GNG7: variants seen among roughly 807,000 people sequenced by gnomAD.
GNG7 encodes guanine nucleotide-binding protein G(I)/G(S)/G(O) subunit gamma-7.
GNG7 carries 1 observed loss-of-function variant against 4.0 expected under a neutral mutation model. That is an observed-to-expected ratio of 0.25 (90% confidence interval 0.09 to 1.18). The LOEUF is 1.18. Among genes scored for constraint, GNG7 ranks in the 50% most tolerant of loss-of-function variants. The probability of loss-of-function intolerance (pLI) is 0.50; values close to 1 mark genes in which losing one functional copy is unlikely to be tolerated. For synonymous variants in GNG7, 34 were observed against 36.9 expected, an observed-to-expected ratio of 0.92 and a Z score of 0.29; for missense variants, 86 against 91.9, an observed-to-expected ratio of 0.94 and a Z score of 0.26.
chr19:2,624,553 GAAAAA>G (rs1486034157), intron 2 of GNG7, among the ~76,000 whole-genome samples: 1 of 149,548 alleles, frequency 6.7e-6, no homozygotes, highest in Non-Finnish European at 1.5e-5. Flanking sequence ...AAAAGAAAAA[GAAAAA>G]AAGAAAAGAA....
rs115026224 is a variant in GNG7, at chr19:2,549,050, T to C, written c.-38+6099A>G. 5.2e-3 allele frequency among the ~76,000 whole-genome samples: 792 copies of C among 151,636 alleles called. 7 individuals are homozygous for C. The highest frequency in any genetic ancestry group is 0.018 in the African/African-American group (752 of 41,478). The stretch of plus-strand genomic sequence containing the variant: ...CTTGAATCCTCAATGCCAAGGCAAC[T>C]GCAAACCCGAGGGACCCCAGGGGGG... On this transcript the variant is annotated intron_variant, in intron 3 of 4. Transcript: ENST00000382159.
intron 2 of GNG7, among the ~76,000 whole-genome samples, chr19:2,565,892 T>C (rs1979892630): frequency 6.6e-6 from 1 of 152,168 alleles, no homozygotes; most frequent in South Asian, 2.1e-4. Context: ...GCACGGTGGC[T>C]CACGCCTGTT....
At position 2,609,833 on chromosome 19, in the gene GNG7, T is replaced by G. The variant is rs1981505273; in HGVS notation, c.-78+36391A>C. Among the ~76,000 whole-genome samples the G allele has an allele frequency of 6.6e-6, 1 of 151,794 alleles. No homozygotes were observed. ...GGACCTGGGGGTGCCTCTGGGCCATTGGGGGACCCTCGGTGAGCCAGTGAA... is the reference window on the plus strand; with the variant it reads ...GGACCTGGGGGTGCCTCTGGGCCATGGGGGGACCCTCGGTGAGCCAGTGAA... On this transcript the variant is annotated intron_variant, in intron 2 of 4. Transcript: ENST00000382159. This position sits in a 1 kb window ranked among gnomAD's most constrained non-coding sequence, Gnocchi z 4.4.
In GNG7 at chr19:2,551,590, C is replaced by CAAAGATATATTTATAAATATGT. The variant is rs1568240124; in HGVS notation, c.-38+3558_-38+3559insACATATTTATAAATATATCTTT. 2.4e-5 allele frequency among the ~76,000 whole-genome samples: 3 copies of CAAAGATATATTTATAAATATGT among 122,576 alleles called. 1 individual carries two copies. The highest frequency in any genetic ancestry group is 9.1e-5 in the African/African-American group (3 of 32,810). The allele number at this position is 122,576 out of a possible 152,430, so 80.4% of individuals were successfully genotyped here. On this transcript the variant is annotated intron_variant, in intron 3 of 4. Coordinates refer to ENST00000382159, the MANE Select transcript of GNG7 (RefSeq NM_052847.3). ...CTATTATCTATAATATATAAATATG[C>CAAAGATATATTTATAAATATGT]ATTTATAAATATATAAACAAATATA...
intron 1 of GNG7, among the ~76,000 whole-genome samples, chr19:2,664,946 A>G (rs1417249393): frequency 6.6e-6 from 1 of 151,574 alleles, no homozygotes; most frequent in Non-Finnish European, 1.5e-5. Context: ...AATCACCCTC[A>G]GTTGACACCC....
At chr19:2,693,262 A>C (rs1431140713) in intron 1 of GNG7, among the ~76,000 whole-genome samples, 1 of 151,722 alleles carries the variant, frequency 6.6e-6, no homozygotes, top group Non-Finnish European at 1.5e-5. Context: ...TACAAAAAAA[A>C]AAAATTAGCT....
rs567851080 is a variant in GNG7 at position 2,588,001 on chromosome 19, G to A, written c.-77-32813C>T. ...TGGCCACTCTCACTGTTTCTATTCA[G>A]TATTGTTATTGCAAATTCAAGCCAG... On this transcript the variant is annotated intron_variant, in intron 2 of 4. Coordinates refer to ENST00000382159, the MANE Select transcript of GNG7 (RefSeq NM_052847.3). Among the ~76,000 whole-genome samples the A allele has an allele frequency of 4.6e-5, 7 of 152,264 alleles. No individual in the cohort carries two copies. In the East Asian group the frequency reaches 1.3e-3, roughly 29 times the overall value.
chr19:2,676,823 C>T lies in GNG7; in HGVS notation c.-135+25823G>A, dbSNP rs1310872976. Among the ~76,000 whole-genome samples the T allele has an allele frequency of 3.9e-5, 6 of 152,038 alleles. No homozygotes were observed. The East Asian group carries it at 7.7e-4, about 20-fold the overall frequency. ...GGAGGAGTTGGGTGTAATTTTCAGC[C>T]GGGCGGGTGCAAGACTCAAAGAGAT... On this transcript the variant is annotated intron_variant, in intron 1 of 4. Coordinates refer to ENST00000382159, the MANE Select transcript of GNG7 (RefSeq NM_052847.3).
chr19:2,564,644 T>G (rs938521397), intron 2 of GNG7, among the ~76,000 whole-genome samples: 5 of 151,316 alleles, frequency 3.3e-5, no homozygotes, highest in African/African-American at 1.2e-4. Context: ...TGTGTGGAGA[T>G]GGAGGCAGAG....
In GNG7 at chr19:2,609,328, T is replaced by C. The variant is rs1981491082; in HGVS notation, c.-78+36896A>G. Among the ~76,000 whole-genome samples the C allele has an allele frequency of 6.6e-6, 1 of 152,022 alleles. No homozygotes were observed. The highest frequency in any genetic ancestry group is 2.4e-5 in the African/African-American group (1 of 41,380). On this transcript the variant is annotated intron_variant, in intron 2 of 4. Coordinates refer to ENST00000382159, the MANE Select transcript of GNG7 (RefSeq NM_052847.3). The surrounding 1 kb of genome is among the most constrained non-coding windows in gnomAD (Gnocchi z 4.4). The stretch of plus-strand genomic sequence containing the variant: ...GCACGTACCACCCCACCCAGCTAAT[T>C]TTTGTTTTACACTAAAGTGTTATTT...
At chr19:2,553,559 C>A (rs896202935) in intron 3 of GNG7, among the ~76,000 whole-genome samples, 1 of 148,892 alleles carries the variant, frequency 6.7e-6, no homozygotes, top group Non-Finnish European at 1.5e-5. Flanking sequence ...TATGTAATAT[C>A]ACATGTAATA....
chr19:2,657,046 G>C (rs540492861), intron 1 of GNG7, among the ~76,000 whole-genome samples: 2 of 151,806 alleles, frequency 1.3e-5, no homozygotes, highest in South Asian at 4.2e-4. Context: ...AATTAAAACT[G>C]GCTCATTACA....
chr19:2,581,648 G>A (rs555522655), intron 2 of GNG7, among the ~76,000 whole-genome samples: 1 of 152,316 alleles, frequency 6.6e-6, no homozygotes, highest in East Asian at 1.9e-4. Flanking sequence ...CCCTTCTTGA[G>A]GGTGAGGACA....
chr19:2,580,359 C>T (rs547058569), intron 2 of GNG7, among the ~76,000 whole-genome samples: 117 of 149,684 alleles, frequency 7.8e-4, no homozygotes, highest in Non-Finnish European at 1.5e-3. Context: ...GGTGTGATCT[C>T]GGCTCACTGC....
intron 2 of GNG7, among the ~76,000 whole-genome samples, chr19:2,574,400 C>G (rs551201172): frequency 2.5e-4 from 38 of 152,326 alleles, no homozygotes; most frequent in South Asian, 1.9e-3. Context: ...CCCTCCCCAG[C>G]CCCTGGCACT....
At chr19:2,529,605 G>A (rs1328182999) in intron 3 of GNG7, among the ~76,000 whole-genome samples, 2 of 152,216 alleles carry the variant, frequency 1.3e-5, no homozygotes, top group Non-Finnish European at 2.9e-5. Flanking sequence ...GGAGAGTCTT[G>A]TAAGCTCCGT....
chr19:2,699,429 G>GT (rs1358518869), intron 1 of GNG7, among the ~76,000 whole-genome samples: 1 of 152,094 alleles, frequency 6.6e-6, no homozygotes, highest in Non-Finnish European at 1.5e-5. Context: ...GATTACAGGC[G>GT]TGAGCCACCG....
chr19:2,564,062 C>T (rs1468740234), intron 2 of GNG7, among the ~76,000 whole-genome samples: 1 of 151,980 alleles, frequency 6.6e-6, no homozygotes, highest in Non-Finnish European at 1.5e-5. Context: ...AGGGCAGGCT[C>T]CTAAACAGGA....
intron 1 of GNG7, among the ~76,000 whole-genome samples, chr19:2,671,044 C>A (rs537766176): frequency 6.6e-6 from 1 of 151,640 alleles, no homozygotes; most frequent in African/African-American, 2.4e-5. Flanking sequence ...GGAGCAGACT[C>A]GATATTTTTC....
Sources: gnomAD v4.1 joint callset for allele counts (sites outside exome capture counted in the v4.1 genomes callset) on GRCh38, gnomAD v4.1.1 for gene constraint, Gnocchi (gnomAD v3.1) non-coding constraint, MANE v1.5 for transcripts, NCBI Gene and HGNC (gene_info 2026-07-23, HGNC 2026-07-21) for gene names.